Variants in IWS1 observed in about 807,000 individuals in gnomAD.
The protein encoded by IWS1 is protein IWS1 homolog.
IWS1 carries 27 observed loss-of-function variants against 86.7 expected under a neutral mutation model. The ratio of observed to expected loss-of-function variants is 0.31; its 90% CI spans 0.23 to 0.43. The LOEUF is 0.43. Among genes scored for constraint, IWS1 ranks in the 20% least tolerant of loss-of-function variants. The pLI is 1.00. For missense variants in IWS1, 827 were observed against 1,000.8 expected, an observed-to-expected ratio of 0.83 and a Z score of 2.34; for synonymous variants, 313 against 335.1, an observed-to-expected ratio of 0.93 and a Z score of 0.72.
chr2:127,525,184 C>G (rs763585419), intron 1 of IWS1, among the ~76,000 whole-genome samples: 8 of 151,770 alleles, frequency 5.3e-5, no homozygotes, highest in Non-Finnish European at 8.8e-5. Flanking sequence ...TGGTCTCGAA[C>G]TCCTGGGCTC....
chr2:127,486,481 TA>T, intron 13 of IWS1, 71 bp downstream of exon 13: 2 of 1,091,330 alleles, frequency 1.8e-6, no homozygotes, highest in Non-Finnish European at 2.8e-6. Context: ...CAAGGGTTAT[TA>T]ACACATGAAG....
Position 127,498,126 on chromosome 2 carries a change from A to G in IWS1, c.1565+14T>C, listed in dbSNP as rs772988859. The G allele has an allele frequency of 4.1e-5, 64 of 1,555,298 alleles. No homozygotes were observed. Among genetic ancestry groups the G allele is most frequent in the Non-Finnish European group, 2.4e-5 (27 of 1,131,698 alleles). Reference sequence around the variant, plus strand: ...TAAACTTCTCTTTAACAAATTCCTTAAAAACAAACTTACTGTTTTCCTCTC... The same window carrying G: ...TAAACTTCTCTTTAACAAATTCCTTGAAAACAAACTTACTGTTTTCCTCTC... On this transcript the variant is annotated intron_variant, in intron 6 of 13. Coordinates refer to ENST00000295321, the MANE Select transcript of IWS1 (RefSeq NM_017969.3).
intron 2 of IWS1, among the ~76,000 whole-genome samples, chr2:127,522,579 T>C (rs1692157030): frequency 1.3e-5 from 2 of 152,358 alleles, no homozygotes; most frequent in East Asian, 1.9e-4. Flanking sequence ...ATGTATGATA[T>C]GCTAATGTTG....
rs749487438 is a variant in IWS1, at chr2:127,486,528, C to T, written c.2328+25G>A. On this transcript the variant is annotated intron_variant, in intron 13 of 13. Transcript: ENST00000295321. ...AACAGTAATCTGCAGGTGAGATCCA[C>T]CTTGCCGATCCTCCGCTTGCTTACC... 10 of 1,506,112 alleles carry T rather than the reference C, an allele frequency of 6.6e-6. No individual in the cohort carries two copies. The East Asian group carries it at 2.3e-4, about 34-fold the overall frequency. The allele number at this position is 1,506,112 out of a possible 1,614,324, so 93.3% of individuals were successfully genotyped here.
At chr2:127,526,017 C>T (rs539500391) in intron 1 of IWS1, among the ~76,000 whole-genome samples, 158 bp downstream of exon 1, 54 of 152,366 alleles carry the variant, frequency 3.5e-4, no homozygotes, top group Non-Finnish European at 6.9e-4. Context: ...CTAGCTTCGA[C>T]GCTTGCAGCT....
chr2:127,491,404 T>C (rs966553256), intron 10 of IWS1, among the ~76,000 whole-genome samples: 4 of 152,034 alleles, frequency 2.6e-5, no homozygotes, highest in African/African-American at 9.7e-5. Context: ...TCTTTCTCCA[T>C]GCTCTCGACC....
At position 127,489,104 on chromosome 2, in the gene IWS1, T is replaced by C. The variant is rs192263960; in HGVS notation, c.2216+75A>G. The C allele has an allele frequency of 7.2e-5, 74 of 1,025,262 alleles. No individual in the cohort carries two copies. The African/African-American group carries it at 1.1e-3, about 15-fold the overall frequency. 63.5% of individuals were successfully genotyped at this position (1,025,262 alleles called of 1,614,324 possible). A position where few individuals can be genotyped will look rare whatever the true frequency, so the allele number is the denominator to read the frequency against. Reference sequence around the variant, plus strand: ...AAATGAGAGCATAACATCATTTCATTTACTACTTTTCTTAAAGCAGCAAAC... The same window carrying C: ...AAATGAGAGCATAACATCATTTCATCTACTACTTTTCTTAAAGCAGCAAAC... On this transcript the variant is annotated intron_variant, in intron 12 of 13. Transcript: ENST00000295321. This position sits in a 1 kb window ranked among gnomAD's most constrained non-coding sequence, Gnocchi z 4.8.
Position 127,480,926 on chromosome 2 carries a change from A to C in IWS1, c.*118T>G. 4 of 1,125,460 alleles carry C rather than the reference A, an allele frequency of 3.6e-6. No individual in the cohort carries two copies. Among genetic ancestry groups the C allele is most frequent in the Non-Finnish European group, 5.0e-6 (4 of 798,140 alleles). 69.7% of individuals were successfully genotyped at this position (1,125,460 alleles called of 1,614,324 possible). On this transcript the variant is annotated 3_prime_UTR_variant, in exon 14 of 14. Transcript: ENST00000295321. The stretch of plus-strand genomic sequence containing the variant: ...AGAGAAATGTGAGTCCTATGACAAC[A>C]TCTGATACACGCTGAACCATTTACA...
chr2:127,496,968 T>A (rs1302504109), intron 6 of IWS1, among the ~76,000 whole-genome samples: 1 of 152,238 alleles, frequency 6.6e-6, no homozygotes, highest in Non-Finnish European at 1.5e-5. Flanking sequence ...AATAACATGC[T>A]GCACAGGTTT....
chr2:127,524,692 G>C (rs533877206), intron 1 of IWS1, among the ~76,000 whole-genome samples: 1 of 150,568 alleles, frequency 6.6e-6, no homozygotes. Context: ...ACAGGTGCCC[G>C]CCACCACGCC....
At chr2:127,524,910 CAG>C (rs1388359204) in intron 1 of IWS1, among the ~76,000 whole-genome samples, 1 of 151,400 alleles carries the variant, frequency 6.6e-6, no homozygotes, top group Non-Finnish European at 1.5e-5. Flanking sequence ...TTTTTTGAGA[CAG>C]AGTCTTGCTC....
rs200382775 is a variant in IWS1 at position 127,489,239 on chromosome 2, A to G, written c.2160-4T>C. Reference sequence around the variant, plus strand: ...TCTGGGTGTCTGACCACCAGTGCTGAAAAAAAAGTAAACAAGGAGATACCA... The same window carrying G: ...TCTGGGTGTCTGACCACCAGTGCTGGAAAAAAAGTAAACAAGGAGATACCA... On this transcript the variant is annotated splice_region_variant and splice_polypyrimidine_tract_variant and intron_variant, in intron 11 of 13. Transcript: ENST00000295321. The surrounding 1 kb of genome is among the most constrained non-coding windows in gnomAD (Gnocchi z 4.8). 2.2e-5 allele frequency: 35 copies of G among 1,598,198 alleles called. No homozygotes were observed. The East Asian group carries it at 6.5e-4, about 30-fold the overall frequency.
At position 127,486,675 on chromosome 2, in the gene IWS1, G is replaced by C; in HGVS notation, c.2217-11C>G. 1 of 1,602,858 alleles carries C rather than the reference G, an allele frequency of 6.2e-7. No homozygotes were observed. The highest frequency in any genetic ancestry group is 8.5e-7 in the Non-Finnish European group (1 of 1,169,932). On this transcript the variant is annotated splice_polypyrimidine_tract_variant and intron_variant, in intron 12 of 13. Coordinates refer to ENST00000295321, the MANE Select transcript of IWS1 (RefSeq NM_017969.3). ...CCAGGTCTAAGAGCCCTGAAAAAGGGAAGAGGAAGAGCATGCTTCTTATGT... is the reference window on the plus strand; with the variant it reads ...CCAGGTCTAAGAGCCCTGAAAAAGGCAAGAGGAAGAGCATGCTTCTTATGT...
Position 127,489,817 on chromosome 2 carries a change from C to T in IWS1, c.2159+15G>A. On this transcript the variant is annotated intron_variant, in intron 11 of 13. Transcript: ENST00000295321. This position sits in a 1 kb window ranked among gnomAD's most constrained non-coding sequence, Gnocchi z 4.8. ...ATAACGTGTATTCCACTTACTCATACCTGTTCCCTCATACCTGTTCATTCT... is the reference window on the plus strand; with the variant it reads ...ATAACGTGTATTCCACTTACTCATATCTGTTCCCTCATACCTGTTCATTCT... 7.2e-7 allele frequency: 1 copy of T among 1,391,710 alleles called. No individual in the cohort carries two copies. The highest frequency in any genetic ancestry group is 1.0e-6 in the Non-Finnish European group (1 of 978,456). The allele number at this position is 1,391,710 out of a possible 1,614,324, so 86.2% of individuals were successfully genotyped here.
intron 10 of IWS1, 45 bp downstream of exon 10, chr2:127,491,926 A>G (rs1218912533): frequency 1.4e-5 from 16 of 1,114,484 alleles, no homozygotes; most frequent in Admixed American, 1.0e-4. Context: ...TCTCTCTCTT[A>G]TCTATACACA....
At chr2:127,484,293 CAG>C (rs1689810752) in intron 13 of IWS1, among the ~76,000 whole-genome samples, 2 of 152,142 alleles carry the variant, frequency 1.3e-5, no homozygotes, top group Admixed American at 6.5e-5. Flanking sequence ...GCCTGGGCGA[CAG>C]AGTGAGACAC....
intron 6 of IWS1, among the ~76,000 whole-genome samples, chr2:127,496,818 T>A (rs1265258933): frequency 6.6e-6 from 1 of 152,074 alleles, no homozygotes; most frequent in African/African-American, 2.4e-5. Flanking sequence ...CCTCAAGTGA[T>A]CCCCCTGCCT....
intron 13 of IWS1, among the ~76,000 whole-genome samples, 200 bp from the exon 14 acceptor site, chr2:127,481,375 T>C (rs1689613780): frequency 6.6e-6 from 1 of 152,054 alleles, no homozygotes; most frequent in Non-Finnish European, 1.5e-5. Context: ...CAGTGAAGAA[T>C]AATTCTGTTG....
chr2:127,524,853 T>A (rs1692304555), intron 1 of IWS1, among the ~76,000 whole-genome samples: 1 of 149,440 alleles, frequency 6.7e-6, no homozygotes, highest in African/African-American at 2.5e-5. Flanking sequence ...AAAACTATTC[T>A]GAAAGTATCA....
Sources: allele counts gnomAD v4.1 joint callset (sites outside exome capture counted in the v4.1 genomes callset), GRCh38; gene constraint gnomAD v4.1.1; non-coding constraint Gnocchi (gnomAD v3.1); transcripts MANE v1.5; gene names NCBI Gene and HGNC (gene_info 2026-07-23, HGNC 2026-07-21).